Variants in FTO observed in about 807,000 individuals in gnomAD.
FTO encodes alpha-ketoglutarate-dependent dioxygenase FTO.
In FTO, 47 loss-of-function variants were observed where a neutral mutation model predicts 63.9. That is an observed-to-expected ratio of 0.74 (90% CI 0.58 to 0.94). The LOEUF (loss-of-function observed/expected upper bound fraction) is 0.94. FTO is among the 40% of genes least tolerant of loss of function. FTO has a pLI of 0.00. For synonymous variants in FTO, 207 were observed against 224.4 expected (o/e 0.92, Z 0.69); for missense variants, 562 against 618.1 (o/e 0.91, Z 0.96).
intron 7 of FTO, among the ~76,000 whole-genome samples, chr16:53,892,157 T>A (rs1282781008): frequency 6.6e-6 from 1 of 152,082 alleles, no homozygotes; most frequent in Non-Finnish European, 1.5e-5. Context: ...GTTCTGTTCG[T>A]TTAGTACCAT....
intron 8 of FTO, among the ~76,000 whole-genome samples, chr16:53,953,763 T>C (rs1309271470): frequency 1.3e-5 from 2 of 152,172 alleles, no homozygotes; most frequent in Admixed American, 6.5e-5. Context: ...ACAGAAGCCA[T>C]GAGGGGCCCA....
chr16:53,756,585 TAACAC>T (rs1286445147), intron 1 of FTO, among the ~76,000 whole-genome samples: 4 of 152,196 alleles, frequency 2.6e-5, no homozygotes, highest in East Asian at 1.9e-4. Context: ...AAAAGATTCT[TAACAC>T]AACCCTTTTA....
At chr16:53,836,740 T>G (rs1194021872) in intron 3 of FTO, among the ~76,000 whole-genome samples, 2 of 152,228 alleles carry the variant, frequency 1.3e-5, no homozygotes, top group Admixed American at 1.3e-4. Flanking sequence ...ACAGTAATGA[T>G]GTGATCAGTT....
chr16:53,945,859 G>T (rs1003758992), intron 8 of FTO, among the ~76,000 whole-genome samples: 1 of 152,190 alleles, frequency 6.6e-6, no homozygotes, highest in Non-Finnish European at 1.5e-5. Flanking sequence ...TTCAGTGGGT[G>T]CCCTTAAGGT....
intron 1 of FTO, among the ~76,000 whole-genome samples, chr16:53,800,618 T>C (rs1002042043): frequency 3.3e-5 from 5 of 152,120 alleles, no homozygotes; most frequent in Admixed American, 1.3e-4. Flanking sequence ...CTATTTCTTT[T>C]TGTTCTTTCA....
At chr16:53,923,663 C>A (rs573015842) in intron 7 of FTO, among the ~76,000 whole-genome samples, 1 of 151,754 alleles carries the variant, frequency 6.6e-6, no homozygotes, top group African/African-American at 2.4e-5. Flanking sequence ...CTTTCTCCCC[C>A]ACTTTTTCTT....
chr16:53,765,840 C>G (rs1197398275), intron 1 of FTO, among the ~76,000 whole-genome samples: 1 of 152,008 alleles, frequency 6.6e-6, no homozygotes, highest in Non-Finnish European at 1.5e-5. Context: ...GGAATGAGGC[C>G]AGATCATGAG....
intron 4 of FTO, among the ~76,000 whole-genome samples, chr16:53,861,518 G>A (rs888292500): frequency 5.9e-5 from 9 of 152,042 alleles, no homozygotes; most frequent in African/African-American, 2.2e-4. Context: ...AGGTGTTAGT[G>A]TTTTTCTTAA....
At chr16:53,805,873 C>T (rs774587152) in intron 1 of FTO, among the ~76,000 whole-genome samples, 1 of 152,280 alleles carries the variant, frequency 6.6e-6, no homozygotes, top group East Asian at 1.9e-4. Context: ...TGAGGCTTCA[C>T]GCTCTCTCTG....
At chr16:53,934,998 C>T (rs2082356769) in intron 8 of FTO, among the ~76,000 whole-genome samples, 1 of 152,158 alleles carries the variant, frequency 6.6e-6, no homozygotes, top group Non-Finnish European at 1.5e-5. Context: ...TCAGTTTTTA[C>T]AGAACTGATG....
At chr16:53,728,614 A>T (rs1052714741) in intron 1 of FTO, among the ~76,000 whole-genome samples, 5 of 152,150 alleles carry the variant, frequency 3.3e-5, no homozygotes, top group African/African-American at 1.2e-4. Flanking sequence ...AAATACTATT[A>T]AAAAATTAGT....
At chr16:53,772,067 T>C (rs1317727176) in intron 1 of FTO, among the ~76,000 whole-genome samples, 1 of 152,158 alleles carries the variant, frequency 6.6e-6, no homozygotes, top group African/African-American at 2.4e-5. Context: ...ATATACTTTC[T>C]GGCTTGTATA....
intron 6 of FTO, among the ~76,000 whole-genome samples, chr16:53,887,452 G>A (rs944023744): frequency 1.4e-4 from 21 of 152,278 alleles, no homozygotes; most frequent in African/African-American, 5.1e-4. Context: ...GGCTGTTTGG[G>A]GGAAGGGATG....
intron 3 of FTO, among the ~76,000 whole-genome samples, chr16:53,837,326 A>T (rs540118986): frequency 6.6e-6 from 1 of 152,326 alleles, no homozygotes; most frequent in African/African-American, 2.4e-5. Context: ...GCCAGACATG[A>T]TGTTGAAGGG....
At chr16:53,907,573 G>C (rs552505039) in intron 7 of FTO, among the ~76,000 whole-genome samples, 15 of 152,256 alleles carry the variant, frequency 9.9e-5, no homozygotes, top group African/African-American at 3.6e-4. Context: ...TTGTAAGTCA[G>C]ACAAACCATC....
At chr16:53,779,571 G>A (rs2077538249) in intron 1 of FTO, among the ~76,000 whole-genome samples, 1 of 152,212 alleles carries the variant, frequency 6.6e-6, no homozygotes, top group Non-Finnish European at 1.5e-5. Flanking sequence ...AACTGGGGCA[G>A]AGATGCCGAA....
At chr16:53,813,203 C>T (rs2078582909) in intron 2 of FTO, among the ~76,000 whole-genome samples, 1 of 149,974 alleles carries the variant, frequency 6.7e-6, no homozygotes, top group Admixed American at 6.6e-5. Flanking sequence ...GTGCACCTTG[C>T]TGTTTTTCTT....
At chr16:54,051,908 C>T (rs1206313561) in intron 8 of FTO, among the ~76,000 whole-genome samples, 1 of 152,112 alleles carries the variant, frequency 6.6e-6, no homozygotes, top group Non-Finnish European at 1.5e-5. Context: ...TATAGGTTTT[C>T]AGAGATTAGA....
chr16:53,710,900 G>A (rs567992248), intron 1 of FTO, among the ~76,000 whole-genome samples: 8 of 151,758 alleles, frequency 5.3e-5, no homozygotes, highest in African/African-American at 1.9e-4. Flanking sequence ...TAGTGGTGTA[G>A]TGTGGAGCTT....
Sources: allele counts gnomAD v4.1 joint callset (sites outside exome capture counted in the v4.1 genomes callset), GRCh38; gene constraint gnomAD v4.1.1; transcripts MANE v1.5; gene names NCBI Gene and HGNC (gene_info 2026-07-23, HGNC 2026-07-21).